Variants in SCFD2 observed in about 807,000 individuals in gnomAD.
SCFD2 encodes the protein sec1 family domain containing 2.
Under a neutral mutation model 58.9 loss-of-function variants are expected in SCFD2, and 54 were observed. That is an observed-to-expected ratio of 0.92 (90% CI 0.74 to 1.15). The LOEUF is 1.15. Ranked by LOEUF, SCFD2 falls within the 50% of genes most tolerant of loss-of-function variation. The pLI, the probability that SCFD2 is intolerant of heterozygous loss-of-function variation, is 0.00. For missense variants in SCFD2, 805 were observed against 836.6 expected, an observed-to-expected ratio of 0.96 and a Z score of 0.47; for synonymous variants, 321 against 335.9, an observed-to-expected ratio of 0.96 and a Z score of 0.49.
chr4:53,133,731 A>G (rs1725860624), intron 5 of SCFD2, among the ~76,000 whole-genome samples: 1 of 152,240 alleles, frequency 6.6e-6, no homozygotes, highest in African/African-American at 2.4e-5. Context: ...GCTGCCTTCC[A>G]CAACCCAAGG....
chr4:53,101,392 A>C (rs1366739354), intron 5 of SCFD2, among the ~76,000 whole-genome samples: 3 of 152,108 alleles, frequency 2.0e-5, no homozygotes, highest in Non-Finnish European at 4.4e-5. Context: ...TGATCTTTTA[A>C]ATTCTAGATA....
chr4:53,273,061 T>C (rs1396277050), intron 4 of SCFD2, among the ~76,000 whole-genome samples: 1 of 152,120 alleles, frequency 6.6e-6, no homozygotes, highest in Non-Finnish European at 1.5e-5. Flanking sequence ...TAGAGATGGT[T>C]ATATAGTATC....
At chr4:53,023,775 A>G (rs559426483) in intron 5 of SCFD2, among the ~76,000 whole-genome samples, 12 of 152,312 alleles carry the variant, frequency 7.9e-5, no homozygotes, top group Admixed American at 7.2e-4. Flanking sequence ...GTATTAATAA[A>G]TGCAACTGCA....
intron 4 of SCFD2, among the ~76,000 whole-genome samples, chr4:53,218,669 C>A (rs543178305): frequency 1.1e-3 from 166 of 152,338 alleles, no homozygotes; most frequent in Non-Finnish European, 1.5e-3. Flanking sequence ...GTCCAGCTTT[C>A]TTCCGTTGCT....
chr4:53,343,267 G>T (rs1733943395), intron 2 of SCFD2, among the ~76,000 whole-genome samples: 1 of 151,834 alleles, frequency 6.6e-6, no homozygotes. Context: ...ATGATAAAGG[G>T]GTTATCACCA....
intron 4 of SCFD2, among the ~76,000 whole-genome samples, chr4:53,183,265 A>G (rs1727633114): frequency 6.6e-6 from 1 of 152,236 alleles, no homozygotes; most frequent in African/African-American, 2.4e-5. Flanking sequence ...ATGTCCAACA[A>G]CAATAGACCG....
At chr4:53,125,412 T>C (rs913211024) in intron 5 of SCFD2, among the ~76,000 whole-genome samples, 3 of 152,244 alleles carry the variant, frequency 2.0e-5, no homozygotes, top group African/African-American at 7.2e-5. Flanking sequence ...TTTATCTTGA[T>C]CTAAAGCCTT....
chr4:53,278,881 C>G (rs1731423030), intron 3 of SCFD2, among the ~76,000 whole-genome samples: 1 of 143,372 alleles, frequency 7.0e-6, no homozygotes, highest in Admixed American at 7.1e-5. Flanking sequence ...CACACAGATG[C>G]TCTAAAAAAA....
chr4:52,931,274 G>A (rs1167826718), intron 5 of SCFD2, among the ~76,000 whole-genome samples: 1 of 152,184 alleles, frequency 6.6e-6, no homozygotes, highest in Non-Finnish European at 1.5e-5. Flanking sequence ...TGGTTTGCTG[G>A]ACTCTCAGAG....
intron 4 of SCFD2, among the ~76,000 whole-genome samples, chr4:53,167,390 T>C (rs182977341): frequency 1.3e-5 from 2 of 152,344 alleles, no homozygotes; most frequent in East Asian, 3.9e-4. Flanking sequence ...ACTCATTTAT[T>C]TGAAGGTTAT....
chr4:53,285,427 C>G (rs1448664485), intron 3 of SCFD2, among the ~76,000 whole-genome samples: 1 of 151,940 alleles, frequency 6.6e-6, no homozygotes, highest in African/African-American at 2.4e-5. Context: ...AGTCATGGGC[C>G]TTCTCCCCAT....
chr4:53,252,740 T>C (rs980802131), intron 4 of SCFD2, among the ~76,000 whole-genome samples: 12 of 152,152 alleles, frequency 7.9e-5, no homozygotes, highest in African/African-American at 2.9e-4. Flanking sequence ...TAATTCAAGA[T>C]GGATTATTAA....
chr4:52,918,538 A>T (rs1719660797), intron 6 of SCFD2, among the ~76,000 whole-genome samples: 1 of 152,192 alleles, frequency 6.6e-6, no homozygotes, highest in Admixed American at 6.5e-5. Context: ...TAATCCCATT[A>T]AAAAGTGTCA....
intron 5 of SCFD2, among the ~76,000 whole-genome samples, chr4:53,089,189 C>A (rs1415106588): frequency 6.6e-6 from 1 of 152,162 alleles, no homozygotes; most frequent in Non-Finnish European, 1.5e-5. Context: ...TTCCAACAGA[C>A]TAAGGCAAAT....
intron 3 of SCFD2, among the ~76,000 whole-genome samples, chr4:53,297,474 G>C (rs879427937): frequency 2.0e-5 from 3 of 146,834 alleles, no homozygotes; most frequent in African/African-American, 7.6e-5. Context: ...TTTTTTTTTT[G>C]TTTGTTTGTT....
chr4:53,247,071 T>C (rs1730106622), intron 4 of SCFD2, among the ~76,000 whole-genome samples: 1 of 147,522 alleles, frequency 6.8e-6, no homozygotes, highest in South Asian at 2.1e-4. Context: ...GAATGAGAAT[T>C]AAAAAAACAA....
At chr4:53,246,302 T>C (rs1374898026) in intron 4 of SCFD2, among the ~76,000 whole-genome samples, 1 of 152,194 alleles carries the variant, frequency 6.6e-6, no homozygotes, top group Non-Finnish European at 1.5e-5. Context: ...GCTATTTCTA[T>C]CAAAATAACA....
intron 4 of SCFD2, among the ~76,000 whole-genome samples, chr4:53,172,698 G>A (rs907660166): frequency 2.0e-5 from 3 of 152,064 alleles, no homozygotes; most frequent in African/African-American, 7.2e-5. Flanking sequence ...ATCATAATCA[G>A]AAAGATACTT....
chr4:53,093,227 A>C (rs59382030), intron 5 of SCFD2, among the ~76,000 whole-genome samples: 4 of 152,154 alleles, frequency 2.6e-5, no homozygotes, highest in Non-Finnish European at 4.4e-5. Flanking sequence ...ACCAGTGCCC[A>C]AAACAGTGAC....
Sources: allele counts gnomAD v4.1 joint callset (sites outside exome capture counted in the v4.1 genomes callset), GRCh38; gene constraint gnomAD v4.1.1; transcripts MANE v1.5; gene names NCBI Gene and HGNC (gene_info 2026-07-23, HGNC 2026-07-21).